LRRC28: variants seen among roughly 807,000 people sequenced by gnomAD.
LRRC28 encodes the protein leucine rich repeat containing 28, also known as leucine-rich repeat-containing protein 28.
In LRRC28, 39 loss-of-function variants were observed where a neutral mutation model predicts 45.7. That is an observed-to-expected ratio of 0.85 (90% confidence interval 0.66 to 1.12). The LOEUF (loss-of-function observed/expected upper bound fraction) is 1.12. Among genes scored for constraint, LRRC28 ranks in the 50% most tolerant of loss-of-function variants. LRRC28 has a pLI of 0.00. For synonymous variants in LRRC28, 206 were observed against 178.8 expected (o/e 1.15, Z -1.22); for missense variants, 435 against 438.5 (o/e 0.99, Z 0.07).
chr15:99,376,030 C>T (rs1276660716), intron 9 of LRRC28, among the ~76,000 whole-genome samples: 6 of 152,066 alleles, frequency 3.9e-5, no homozygotes, highest in Non-Finnish European at 7.4e-5. Flanking sequence ...AGTACTTACA[C>T]TAGAAAAGAG....
chr15:99,285,279 A>G (rs2081927336), intron 3 of LRRC28: 3 of 737,402 alleles, frequency 4.1e-6, no homozygotes, highest in South Asian at 1.3e-5. Flanking sequence ...ACAGTTAAGT[A>G]GGCACCTGGT....
chr15:99,352,842 G>A (rs995308093), intron 7 of LRRC28, among the ~76,000 whole-genome samples: 1 of 152,198 alleles, frequency 6.6e-6, no homozygotes. Context: ...GTCACAGAAA[G>A]TAGAGGAATC....
intron 2 of LRRC28, chr15:99,258,820 A>G: frequency 2.9e-6 from 2 of 698,324 alleles, no homozygotes; most frequent in Admixed American, 1.8e-5. Flanking sequence ...ATGAATATGG[A>G]TCTAAAAAGA....
intron 5 of LRRC28, among the ~76,000 whole-genome samples, chr15:99,313,357 A>G (rs923354336): frequency 6.6e-6 from 1 of 152,134 alleles, no homozygotes; most frequent in Non-Finnish European, 1.5e-5. Flanking sequence ...GAAGATTTTA[A>G]TAGTCCTCTC....
In LRRC28 at chr15:99,386,043, A is replaced by G; in HGVS notation, c.1045A>G (p.Ser349Gly). ...TTCCCCTTCCAGGAAGACAACTGTT[A>G]GTTTTGTGGCTTACTGCTGCTCCAC... is the stretch of plus-strand genomic sequence containing the variant. The part of the protein sequence containing the change: ...AGLHQWKTTV[S>G]FVAYCCSTQC... Residue 349 changes from serine to glycine, a missense_variant, in exon 10 of 10, where the codon AGT becomes GGT. Transcript: ENST00000301981. The G allele has an allele frequency of 6.2e-7, 1 of 1,613,998 alleles. No individual in the cohort carries two copies. Among genetic ancestry groups the G allele is most frequent in the Non-Finnish European group, 8.5e-7 (1 of 1,179,950 alleles).
At chr15:99,381,477 A>T (rs1259458393) in intron 9 of LRRC28, among the ~76,000 whole-genome samples, 1 of 152,118 alleles carries the variant, frequency 6.6e-6, no homozygotes, top group Non-Finnish European at 1.5e-5. Context: ...ATGGGTTCGA[A>T]CTTCCTCCTT....
chr15:99,323,524 G>C (rs913282961), intron 5 of LRRC28, among the ~76,000 whole-genome samples: 7 of 152,160 alleles, frequency 4.6e-5, no homozygotes, highest in African/African-American at 1.7e-4. Context: ...AATATTTCAA[G>C]TGAATCTGAA....
chr15:99,339,674 G>T (rs200075355), intron 6 of LRRC28, among the ~76,000 whole-genome samples: 1 of 150,662 alleles, frequency 6.6e-6, no homozygotes, highest in South Asian at 2.1e-4. Context: ...GCAGTGAGCC[G>T]AGATCGCACC....
intron 9 of LRRC28, 85 bp downstream of exon 9, chr15:99,363,350 TA>T: frequency 6.8e-7 from 1 of 1,462,126 alleles, no homozygotes; most frequent in East Asian, 2.3e-5. Flanking sequence ...ATGAAAGCAT[TA>T]AGTCAGCAGT....
At chr15:99,361,606 T>A in intron 8 of LRRC28, 95 bp downstream of exon 8, 7 of 1,238,892 alleles carry the variant, frequency 5.7e-6, no homozygotes, top group Non-Finnish European at 7.8e-6. Flanking sequence ...AAAAAAAAAA[T>A]TATTGTGGTA....
chr15:99,351,286 T>A (rs992421712), intron 6 of LRRC28, among the ~76,000 whole-genome samples: 2 of 152,162 alleles, frequency 1.3e-5, no homozygotes, highest in African/African-American at 4.8e-5. Flanking sequence ...GAGAAGTGTC[T>A]CCACCACCTG....
chr15:99,287,992 A>G (rs1159929386), intron 5 of LRRC28, 41 bp downstream of exon 5: 1 of 1,526,060 alleles, frequency 6.6e-7, no homozygotes, highest in Non-Finnish European at 8.8e-7. Flanking sequence ...CTTGTCTATT[A>G]TAAATCTGTA....
At chr15:99,300,386 C>T (rs1301606368) in intron 5 of LRRC28, among the ~76,000 whole-genome samples, 1 of 151,876 alleles carries the variant, frequency 6.6e-6, no homozygotes, top group East Asian at 1.9e-4. Context: ...AAGGAAAGTA[C>T]AAGTCTCATA....
In LRRC28 at chr15:99,387,122, G is replaced by GC. The variant is rs1567721401; in HGVS notation, c.*1020_*1021insC. On this transcript the variant is annotated 3_prime_UTR_variant, in exon 10 of 10. Coordinates refer to ENST00000301981, the MANE Select transcript of LRRC28 (RefSeq NM_144598.5). Reference sequence around the variant, plus strand: ...GTCGCCCAGGCTGGAGTGCAGTGGCGGGATCTCGGCTCACTGCAAGCTCCG... The same window carrying GC: ...GTCGCCCAGGCTGGAGTGCAGTGGCGCGGATCTCGGCTCACTGCAAGCTCCG... 6.6e-6 allele frequency: 1 copy of GC among 150,892 alleles called. No individual in the cohort carries two copies. The highest frequency in any genetic ancestry group is 6.6e-5 in the Admixed American group (1 of 15,142). The allele number at this position is 150,892 out of a possible 1,614,324, so 9.3% of individuals were successfully genotyped here.
At chr15:99,351,111 T>A (rs1356006964) in intron 6 of LRRC28, among the ~76,000 whole-genome samples, 1 of 151,984 alleles carries the variant, frequency 6.6e-6, no homozygotes, top group African/African-American at 2.4e-5. Context: ...CCCTGCCATA[T>A]TATGTTCTTT....
chr15:99,345,892 C>T (rs563125752), intron 6 of LRRC28, among the ~76,000 whole-genome samples: 1 of 152,326 alleles, frequency 6.6e-6, no homozygotes, highest in Non-Finnish European at 1.5e-5. Flanking sequence ...TGCTCACATG[C>T]CTTGTAAGTG....
At chr15:99,370,932 GC>G (rs1469221576) in intron 9 of LRRC28, among the ~76,000 whole-genome samples, 1 of 152,140 alleles carries the variant, frequency 6.6e-6, no homozygotes, top group African/African-American at 2.4e-5. Flanking sequence ...ACTGGTATTT[GC>G]TTTAGAAATT....
At chr15:99,363,373 A>G in intron 9 of LRRC28, 108 bp downstream of exon 9, 1 of 1,134,550 alleles carries the variant, frequency 8.8e-7, no homozygotes. Flanking sequence ...TTAAAGGGGC[A>G]TAACATGCTT....
At chr15:99,264,994 G>C (rs1417341404) in intron 2 of LRRC28, among the ~76,000 whole-genome samples, 1 of 152,200 alleles carries the variant, frequency 6.6e-6, no homozygotes, top group Admixed American at 6.5e-5. Flanking sequence ...AGAGGCAGTT[G>C]AGAGAGTTTT....
Sources: allele counts gnomAD v4.1 joint callset (sites outside exome capture counted in the v4.1 genomes callset), GRCh38; gene constraint gnomAD v4.1.1; transcripts MANE v1.5; gene names NCBI Gene and HGNC (gene_info 2026-07-23, HGNC 2026-07-21).